The following ZNF860 variants were observed in gnomAD, a reference collection of about 807,000 sequenced individuals.
ZNF860 encodes the protein zinc finger protein 860.
For synonymous variants in ZNF860, 206 were observed against 248.9 expected (o/e 0.83, Z 1.62); for missense variants, 641 against 759.2 (o/e 0.84, Z 1.83).
In ZNF860 at chr3:31,989,173, G is replaced by T; in HGVS notation, c.94G>T (p.Glu32Ter). The change falls in exon 2 of 2, where the codon GAA (glutamate) becomes TAA (stop). Residue 32 changes from glutamate (E) to a stop codon, truncating the protein, a stop_gained. Transcript: ENST00000360311. LOFTEE classifies it low-confidence loss of function (END_TRUNC). ...GHLTFRDVAI[E>*]FSLEEWKCLD... is the part of the protein sequence containing the mutation. ...CTTGACTTTTAGGGATGTGGCTATA[G>T]AATTCTCTTTGGAGGAGTGGAAATG... 6.2e-7 allele frequency: 1 copy of T among 1,614,164 alleles called. No homozygotes were observed. Among genetic ancestry groups the T allele is most frequent in the Non-Finnish European group, 8.5e-7 (1 of 1,180,022 alleles).
At position 31,989,643 on chromosome 3, in the gene ZNF860, A is replaced by G. The variant is rs6419811; in HGVS notation, c.564A>G (p.Ser188=). The G allele has an allele frequency of 0.23, 372,288 of 1,613,926 alleles. 56,711 individuals carry two copies. Among genetic ancestry groups the G allele is most frequent in the African/African-American group, 0.7 (52,373 of 74,942 alleles). The change falls in exon 2 of 2, where the codon TCA becomes TCG. Residue 188 remains serine, a synonymous_variant. Coordinates refer to ENST00000360311, the MANE Select transcript of ZNF860 (RefSeq NM_001137674.3). ...QVEKSINDAS[S]VLTSQRISSR... is the part of the protein sequence containing the mutation. ...AGAAGTCTATCAACGATGCTTCCTC[A>G]GTTCTAACGTCCCAAAGAATTTCTT... is the stretch of plus-strand genomic sequence containing the variant.
chr3:31,989,441 G>T lies in ZNF860; in HGVS notation c.362G>T (p.Arg121Ile), dbSNP rs768149445. 1 of 1,614,154 alleles carries T rather than the reference G, an allele frequency of 6.2e-7. No homozygotes were observed. Among genetic ancestry groups the T allele is most frequent in the South Asian group, 1.1e-5 (1 of 91,082 alleles). ...DFEFQWQEDK[R>I]NSHEATMTQI... ...GAGTTTCAATGGCAAGAAGACAAAA[G>T]AAATAGCCATGAAGCAACTATGACA... Residue 121 changes from arginine to isoleucine, a missense_variant, in exon 2 of 2, where the codon AGA (arginine) becomes ATA (isoleucine). Coordinates refer to ENST00000360311, the MANE Select transcript of ZNF860 (RefSeq NM_001137674.3).
chr3:31,983,436 A>G (rs1457801646), intron 1 of ZNF860, among the ~76,000 whole-genome samples: 2 of 152,182 alleles, frequency 1.3e-5, no homozygotes, highest in Non-Finnish European at 2.9e-5. Context: ...ACAAATTCTC[A>G]CCTTGGACTA....
At chr3:31,987,041 C>A (rs1291446325) in intron 1 of ZNF860, among the ~76,000 whole-genome samples, 1 of 151,874 alleles carries the variant, frequency 6.6e-6, no homozygotes, top group East Asian at 1.9e-4. Flanking sequence ...ATTTCTAAAC[C>A]ACTGCTAATA....
the ZNF860 span, among the ~76,000 whole-genome samples, chr3:31,999,517 C>T: frequency 6.6e-6 from 1 of 151,916 alleles, no homozygotes. Flanking sequence ...TGCACAACCA[C>T]GCCCACCTAA....
rs760643832 is a variant in ZNF860 at position 31,989,242 on chromosome 3, G to A, written c.163G>A (p.Glu55Lys). 1.9e-6 allele frequency: 3 copies of A among 1,614,160 alleles called. No homozygotes were observed. In the South Asian group the frequency reaches 3.3e-5, roughly 18 times the overall value. The change falls in exon 2 of 2, where the codon GAG becomes AAG. Residue 55 changes from glutamate to lysine, a missense_variant. Glu to Lys is a moderately conservative substitution (Grantham distance 56, BLOSUM62 1). Transcript: ENST00000360311. ...GGCTTTATACAGGGCCATGATGTTG[G>A]AGAACTACAGGAACCTGCATTCTGT... ...QRALYRAMMLENYRNLHSVDI... is the reference protein window; with the variant it reads ...QRALYRAMMLKNYRNLHSVDI...
chr3:31,991,873 A>G (rs542466548), downstream of ZNF860, among the ~76,000 whole-genome samples: 3 of 152,100 alleles, frequency 2.0e-5, no homozygotes, highest in Non-Finnish European at 4.4e-5. Context: ...TAAAAAAAAA[A>G]AAATGCCAGG....
chr3:31,989,581 A>G lies in ZNF860; in HGVS notation c.502A>G (p.Ile168Val), dbSNP rs878904354. Reference protein sequence around the residue: ...SFHSHLPELHIFQTKGKVGNQ... With the variant: ...SFHSHLPELHVFQTKGKVGNQ... ...TCATTCGCATCTTCCTGAACTCCAC[A>G]TATTTCAGACCAAAGGGAAAGTTGG... Residue 168 changes from isoleucine (I) to valine (V), a missense_variant, in exon 2 of 2, where the codon ATA (isoleucine) becomes GTA (valine). Ile to Val is a conservative substitution (Grantham distance 29). Transcript: ENST00000360311. The G allele has an allele frequency of 6.2e-7, 1 of 1,614,230 alleles. No individual in the cohort carries two copies. Among genetic ancestry groups the G allele is most frequent in the Non-Finnish European group, 8.5e-7 (1 of 1,180,032 alleles).
At chr3:32,003,384 C>T in the ZNF860 span, among the ~76,000 whole-genome samples, 1 of 152,180 alleles carries the variant, frequency 6.6e-6, no homozygotes, top group Non-Finnish European at 1.5e-5. Flanking sequence ...CCTAAGGCAC[C>T]TGGTTTGCAA....
chr3:31,991,481 T>C lies in ZNF860; in HGVS notation c.*503T>C, dbSNP rs1220344729. The C allele has an allele frequency of 6.0e-6, 1 of 167,046 alleles. No homozygotes were observed. The highest frequency in any genetic ancestry group is 2.4e-5 in the African/African-American group (1 of 41,458). 10.3% of individuals were successfully genotyped at this position (167,046 alleles called of 1,614,324 possible). A position where few individuals can be genotyped will look rare whatever the true frequency, so the allele number is the denominator to read the frequency against. On this transcript the variant is annotated 3_prime_UTR_variant, in exon 2 of 2. Transcript: ENST00000360311. ...AAACTTCTCACCTTTTTACGTTTAT[T>C]CCTAAATATTTCTTACTGTAAGTTC...
At chr3:31,985,163 C>G (rs1698917449) in intron 1 of ZNF860, among the ~76,000 whole-genome samples, 1 of 152,180 alleles carries the variant, frequency 6.6e-6, no homozygotes, top group African/African-American at 2.4e-5. Context: ...CGCTTGAACC[C>G]AGAAGGCAGA....
chr3:31,990,245 A>G lies in ZNF860; in HGVS notation c.1166A>G (p.Gln389Arg), dbSNP rs768988985. The change falls in exon 2 of 2, where the codon CAA becomes CGA. Residue 389 changes from glutamine to arginine, a missense_variant. Physicochemically the swap from Gln to Arg is conservative, Grantham distance 43. Coordinates refer to ENST00000360311, the MANE Select transcript of ZNF860 (RefSeq NM_001137674.3). ...GGGCAGTCAACACTTATTCACCATC[A>G]AGCAATCCATGGTATAGGGAAACTT... ...FSGQSTLIHH[Q>R]AIHGIGKLYK... The G allele has an allele frequency of 6.2e-7, 1 of 1,614,086 alleles. No homozygotes were observed. The highest frequency in any genetic ancestry group is 1.7e-5 in the Admixed American group (1 of 60,020).
chr3:31,995,304 A>G (rs1428832668), downstream of ZNF860, among the ~76,000 whole-genome samples: 2 of 152,202 alleles, frequency 1.3e-5, no homozygotes, highest in African/African-American at 4.8e-5. Context: ...CACATAGGAC[A>G]GACATCCCCA....
At chr3:32,005,855 G>A in the ZNF860 span, among the ~76,000 whole-genome samples, 3 of 152,174 alleles carry the variant, frequency 2.0e-5, no homozygotes, top group African/African-American at 7.2e-5. Context: ...CCAAAGTGCT[G>A]GGATTACAGG....
At position 31,991,248 on chromosome 3, in the gene ZNF860, C is replaced by T. The variant is rs1407823391; in HGVS notation, c.*270C>T. ...ATCACTTGAGGTCAGGAGTTTGAGA[C>T]CATCCTGGCCAAAAGACGTGAGCCA... On this transcript the variant is annotated 3_prime_UTR_variant, in exon 2 of 2. Coordinates refer to ENST00000360311, the MANE Select transcript of ZNF860 (RefSeq NM_001137674.3). The T allele has an allele frequency of 5.2e-6, 2 of 384,234 alleles. No individual in the cohort carries two copies. Among genetic ancestry groups the T allele is most frequent in the Admixed American group, 4.3e-5 (1 of 23,342 alleles). The allele number at this position is 384,234 out of a possible 1,614,324, so 23.8% of individuals were successfully genotyped here.
chr3:31,983,332 A>G (rs1234027254), intron 1 of ZNF860, among the ~76,000 whole-genome samples: 1 of 152,198 alleles, frequency 6.6e-6, no homozygotes, highest in African/African-American at 2.4e-5. Flanking sequence ...CTCCTGCTAA[A>G]AGAGGAGAAG....
chr3:32,004,627 T>A, the ZNF860 span, among the ~76,000 whole-genome samples: 2 of 152,192 alleles, frequency 1.3e-5, no homozygotes, highest in African/African-American at 4.8e-5. Flanking sequence ...TATAAACTGG[T>A]TTCCAAAAAT....
At chr3:31,998,028 A>T in the ZNF860 span, among the ~76,000 whole-genome samples, 5 of 152,080 alleles carry the variant, frequency 3.3e-5, no homozygotes, top group African/African-American at 2.4e-5. Context: ...CCTGAGCTCA[A>T]GCAGTCCTCC....
intron 1 of ZNF860, among the ~76,000 whole-genome samples, chr3:31,987,857 A>G (rs1436447196): frequency 1.3e-5 from 2 of 152,262 alleles, no homozygotes; most frequent in African/African-American, 4.8e-5. Context: ...GTGGATCAGA[A>G]ACCAAAATGT....
Sources: gnomAD v4.1 joint callset for allele counts (sites outside exome capture counted in the v4.1 genomes callset) on GRCh38, gnomAD v4.1.1 for gene constraint, MANE v1.5 for transcripts, NCBI Gene and HGNC (gene_info 2026-07-23, HGNC 2026-07-21) for gene names.